The following ATG14 variants were observed in gnomAD, a reference collection of about 807,000 sequenced individuals.
ATG14 encodes the protein autophagy related 14, also known as beclin 1-associated autophagy-related key regulator.
In ATG14, 35 loss-of-function variants were observed where a neutral mutation model predicts 60.4. The observed-to-expected ratio is 0.58, with a 90% CI of 0.44 to 0.77. ATG14 has a LOEUF of 0.77. Among genes scored for constraint, ATG14 ranks in the 30% least tolerant of loss-of-function variants. The pLI is 0.00. For missense variants in ATG14, 647 were observed against 626.3 expected, an observed-to-expected ratio of 1.03 and a Z score of -0.35; for synonymous variants, 234 against 228.8, an observed-to-expected ratio of 1.02 and a Z score of -0.21.
intron 9 of ATG14, 26 bp from the exon 10 acceptor site, chr14:55,369,951 T>G: frequency 6.4e-6 from 10 of 1,557,972 alleles, no homozygotes; most frequent in Non-Finnish European, 8.7e-6. Flanking sequence ...GAGGGTCTCT[T>G]TAGGATAACA....
chr14:55,405,842 G>A (rs1885479724), intron 1 of ATG14, among the ~76,000 whole-genome samples: 3 of 149,424 alleles, frequency 2.0e-5, no homozygotes, highest in South Asian at 4.3e-4. Flanking sequence ...CAGGGAACAC[G>A]CCTTCAGTTT....
At chr14:55,376,306 A>G (rs1884918755) in intron 9 of ATG14, among the ~76,000 whole-genome samples, 1 of 152,236 alleles carries the variant, frequency 6.6e-6, no homozygotes, top group South Asian at 2.1e-4. Flanking sequence ...AGTAAGGATA[A>G]ATTTCCTAAT....
intron 2 of ATG14, 83 bp downstream of exon 2, chr14:55,397,289 A>T: frequency 8.6e-7 from 1 of 1,162,692 alleles, no homozygotes; most frequent in Non-Finnish European, 1.3e-6. Context: ...AGCAATCCGT[A>T]TATCTGCATA....
intron 1 of ATG14, among the ~76,000 whole-genome samples, chr14:55,405,213 G>A (rs767216184): frequency 5.9e-5 from 9 of 152,032 alleles, no homozygotes; most frequent in Non-Finnish European, 1.2e-4. Flanking sequence ...AGATTTTTAC[G>A]GGCCACAGTG....
chr14:55,400,555 T>C (rs1465533643), intron 1 of ATG14, among the ~76,000 whole-genome samples: 1 of 152,296 alleles, frequency 6.6e-6, no homozygotes, highest in East Asian at 1.9e-4. Flanking sequence ...TACAAGTGAA[T>C]AGCCTAGTGC....
Position 55,369,895 on chromosome 14 carries a change from A to G in ATG14, c.1203T>C (p.Leu401=). The G allele has an allele frequency of 6.2e-7, 1 of 1,613,382 alleles. No homozygotes were observed. Among genetic ancestry groups the G allele is most frequent in the Non-Finnish European group, 8.5e-7 (1 of 1,179,502 alleles). The change falls in exon 10 of 10, where the codon CTT becomes CTC. Residue 401 remains leucine, a synonymous_variant. Coordinates refer to ENST00000247178, the MANE Select transcript of ATG14 (RefSeq NM_014924.5). ...RSGPFEVRAD[L]EESMEFVDPG... Reference sequence around the variant, plus strand: ...GATCCACAAATTCCATGGACTCCTCAAGGTCTGCTCGTACTTCAAAGGGCC... The same window carrying G: ...GATCCACAAATTCCATGGACTCCTCGAGGTCTGCTCGTACTTCAAAGGGCC...
At chr14:55,384,940 C>G (rs1278499127) in intron 5 of ATG14, among the ~76,000 whole-genome samples, 2 of 152,166 alleles carry the variant, frequency 1.3e-5, no homozygotes, top group African/African-American at 4.8e-5. Flanking sequence ...CCTCTGGAAC[C>G]TCTATTTCTC....
At chr14:55,382,746 C>T (rs570352176) in intron 5 of ATG14, among the ~76,000 whole-genome samples, 2 of 152,232 alleles carry the variant, frequency 1.3e-5, no homozygotes, top group East Asian at 1.9e-4. Flanking sequence ...GTGAGGAAGA[C>T]GGAACCATGA....
intron 5 of ATG14, 147 bp downstream of exon 5, chr14:55,385,712 T>C: frequency 1.3e-6 from 1 of 770,304 alleles, no homozygotes. Context: ...CGGTGCGTAC[T>C]GTTTGTTGAA....
At chr14:55,394,812 T>C (rs532403452) in intron 3 of ATG14, 86 of 294,560 alleles carry the variant, frequency 2.9e-4, no homozygotes, top group Non-Finnish European at 4.5e-4. Flanking sequence ...CCTGGTATTA[T>C]AGGATATAAA....
rs573175318 is a variant in ATG14 at position 55,400,909 on chromosome 14, T to TA, written c.222-3476dup. Among the ~76,000 whole-genome samples, 224 of 143,344 alleles carry TA rather than the reference T, an allele frequency of 1.6e-3. 1 individual carries two copies. Among genetic ancestry groups the TA allele is most frequent in the African/African-American group, 5.2e-3 (195 of 37,824 alleles). The allele number at this position is 143,344 out of a possible 152,430, so 94.0% of individuals were successfully genotyped here. On this transcript the variant is annotated intron_variant, in intron 1 of 9. Coordinates refer to ENST00000247178, the MANE Select transcript of ATG14 (RefSeq NM_014924.5). The stretch of plus-strand genomic sequence containing the variant: ...ACAGAGTGAGACTGTCTCAAATAAA[T>TA]AAATAAAATAAAATAAAATAAAATA...
chr14:55,408,815 T>C (rs1312311871), intron 1 of ATG14, among the ~76,000 whole-genome samples: 1 of 152,176 alleles, frequency 6.6e-6, no homozygotes, highest in Non-Finnish European at 1.5e-5. Context: ...TGGTAGAGCT[T>C]GGAATCAATT....
intron 1 of ATG14, among the ~76,000 whole-genome samples, chr14:55,409,756 A>T (rs1023186926): frequency 1.3e-5 from 2 of 152,268 alleles, no homozygotes; most frequent in African/African-American, 2.4e-5. Flanking sequence ...CAGATAATAT[A>T]GAACTTTGGT....
At chr14:55,404,394 G>A (rs1009337023) in intron 1 of ATG14, among the ~76,000 whole-genome samples, 1 of 152,144 alleles carries the variant, frequency 6.6e-6, no homozygotes, top group African/African-American at 2.4e-5. Context: ...TGCCCTCTGG[G>A]ATGTGCCATC....
intron 1 of ATG14, among the ~76,000 whole-genome samples, chr14:55,403,836 T>A (rs1885449114): frequency 6.6e-6 from 1 of 152,228 alleles, no homozygotes; most frequent in African/African-American, 2.4e-5. Context: ...TTCTACAATG[T>A]TTGAGCTAAA....
At position 55,378,563 on chromosome 14, in the gene ATG14, C is replaced by T. The variant is rs371284664; in HGVS notation, c.996-489G>A. Among the ~76,000 whole-genome samples, 35 of 152,326 alleles carry T rather than the reference C, an allele frequency of 2.3e-4. No homozygotes were observed. In the East Asian group the frequency reaches 2.7e-3, roughly 12 times the overall value. ...TTGCAACTGCCATTCTTTTTACCCA[C>T]AGCCTCTTTCCTTAGGGGTCCACAC... is the stretch of plus-strand genomic sequence containing the variant. On this transcript the variant is annotated intron_variant, in intron 7 of 9. Transcript: ENST00000247178.
intron 1 of ATG14, among the ~76,000 whole-genome samples, chr14:55,406,756 G>A (rs776564639): frequency 6.6e-6 from 1 of 152,202 alleles, no homozygotes; most frequent in Non-Finnish European, 1.5e-5. Context: ...CTGGAAAAGA[G>A]AAAGATGGAG....
intron 9 of ATG14, among the ~76,000 whole-genome samples, chr14:55,370,855 G>A (rs1884800523): frequency 6.6e-6 from 1 of 152,044 alleles, no homozygotes; most frequent in East Asian, 1.9e-4. Context: ...TGGCCAGGCT[G>A]GTCTTGAACT....
rs1377655311 is a variant in ATG14 at position 55,368,812 on chromosome 14, G to GA, written c.*806dup. 1 of 152,144 alleles carries GA rather than the reference G, an allele frequency of 6.6e-6. No individual in the cohort carries two copies. The highest frequency in any genetic ancestry group is 2.4e-5 in the African/African-American group (1 of 41,414). The allele number at this position is 152,144 out of a possible 1,614,324, so 9.4% of individuals were successfully genotyped here. A position where few individuals can be genotyped will look rare whatever the true frequency, so the allele number is the denominator to read the frequency against. On this transcript the variant is annotated 3_prime_UTR_variant, in exon 10 of 10. Coordinates refer to ENST00000247178, the MANE Select transcript of ATG14 (RefSeq NM_014924.5). ...GACCTTCATGACTTATTTTCACCCA[G>GA]AAAATATAAGTTCAATTTCAAAATG...
Sources: gnomAD v4.1 joint callset for allele counts (sites outside exome capture counted in the v4.1 genomes callset) on GRCh38, gnomAD v4.1.1 for gene constraint, MANE v1.5 for transcripts, NCBI Gene and HGNC (gene_info 2026-07-23, HGNC 2026-07-21) for gene names.